DLG2: variants seen among roughly 807,000 people sequenced by gnomAD.
DLG2 encodes disks large homolog 2.
A neutral mutation model predicts 132.5 loss-of-function variants in DLG2; 45 were observed. That is an observed-to-expected ratio of 0.34 (90% CI 0.27 to 0.44). The LOEUF (loss-of-function observed/expected upper bound fraction) is 0.44. DLG2 is among the 20% of genes least tolerant of loss of function. DLG2 has a pLI of 1.00. For synonymous variants in DLG2, 424 were observed against 419.6 expected (o/e 1.01, Z -0.13); for missense variants, 1,045 against 1,196.9 (o/e 0.87, Z 1.87).
chr11:85,492,165 C>T (rs578178413), intron 3 of DLG2, among the ~76,000 whole-genome samples: 18 of 152,192 alleles, frequency 1.2e-4, no homozygotes, highest in Admixed American at 2.0e-4. Context: ...CATGTTAATT[C>T]GCTCAATTTA....
chr11:85,108,143 C>T (rs2072116355), intron 6 of DLG2, among the ~76,000 whole-genome samples: 1 of 151,896 alleles, frequency 6.6e-6, no homozygotes, highest in Non-Finnish European at 1.5e-5. Context: ...GATAAAAGTT[C>T]TGCACTTAAA....
chr11:85,406,719 G>C (rs1004386044), intron 3 of DLG2, among the ~76,000 whole-genome samples: 5 of 151,890 alleles, frequency 3.3e-5, no homozygotes, highest in African/African-American at 1.2e-4. Flanking sequence ...TGAGGCCACT[G>C]TTTTGGGTAC....
intron 10 of DLG2, among the ~76,000 whole-genome samples, chr11:84,098,229 G>A (rs1434031754): frequency 1.3e-5 from 2 of 151,978 alleles, no homozygotes; most frequent in East Asian, 3.9e-4. Flanking sequence ...AATAGAGATG[G>A]GGTTTGGCTA....
intron 7 of DLG2, among the ~76,000 whole-genome samples, chr11:84,439,390 G>A (rs1259118560): frequency 6.6e-6 from 1 of 152,136 alleles, no homozygotes; most frequent in African/African-American, 2.4e-5. Context: ...ATGATTCAGT[G>A]TCCCAAAAAG....
chr11:83,529,570 G>A (rs1428780410), intron 21 of DLG2, among the ~76,000 whole-genome samples: 2 of 140,440 alleles, frequency 1.4e-5, no homozygotes, highest in Non-Finnish European at 3.1e-5. Flanking sequence ...CTCAATCATG[G>A]CACTCTTTTT....
At chr11:85,369,592 T>A (rs999698693) in intron 3 of DLG2, among the ~76,000 whole-genome samples, 11 of 152,202 alleles carry the variant, frequency 7.2e-5, no homozygotes, top group African/African-American at 2.7e-4. Flanking sequence ...CTATGGCCCA[T>A]CTGGTGTGCT....
At position 85,598,871 on chromosome 11, in the gene DLG2, C is replaced by T. The variant is rs143826482; in HGVS notation, c.-92-83G>A. On this transcript the variant is annotated intron_variant, in intron 2 of 27. Coordinates refer to ENST00000376104, the MANE Select transcript of DLG2 (RefSeq NM_001142699.3). ...ATTAAACTATTCTATAATTGTGTTC[C>T]TAACTTAATGACATGAAATAACTTA... 940 of 409,362 alleles carry T rather than the reference C, an allele frequency of 2.3e-3. 8 individuals carry two copies. The highest frequency in any genetic ancestry group is 0.017 in the African/African-American group (835 of 48,616). 25.4% of individuals were successfully genotyped at this position (409,362 alleles called of 1,614,324 possible).
Position 85,294,379 on chromosome 11 carries a change from G to A in DLG2, c.41-9014C>T, listed in dbSNP as rs74956883. On this transcript the variant is annotated intron_variant, in intron 3 of 27. Coordinates refer to ENST00000376104, the MANE Select transcript of DLG2 (RefSeq NM_001142699.3). ...AAAAAAATCTACAGGAAAGAGACTC[G>A]AAGAGGAATGAAGTATACAGTGCAG... Among the ~76,000 whole-genome samples the A allele has an allele frequency of 3.3e-4, 50 of 151,952 alleles. 1 individual carries two copies. In the East Asian group the frequency reaches 9.3e-3, roughly 28 times the overall value.
intron 3 of DLG2, among the ~76,000 whole-genome samples, chr11:85,553,488 T>C (rs913705477): frequency 6.6e-6 from 1 of 151,524 alleles, no homozygotes; most frequent in African/African-American, 2.4e-5. Flanking sequence ...GGCTAATCTG[T>C]TTGTATTTTT....
At chr11:84,437,154 G>A (rs1343689988) in intron 7 of DLG2, among the ~76,000 whole-genome samples, 1 of 152,176 alleles carries the variant, frequency 6.6e-6, no homozygotes, top group Non-Finnish European at 1.5e-5. Flanking sequence ...ATCAGTTGAT[G>A]ATTTCACCAC....
intron 6 of DLG2, among the ~76,000 whole-genome samples, chr11:84,806,125 A>G (rs761846737): frequency 6.6e-6 from 1 of 152,216 alleles, no homozygotes; most frequent in Non-Finnish European, 1.5e-5. Context: ...AGATAAAGCA[A>G]TATGAATTAA....
In DLG2 at chr11:84,927,561, T is replaced by C. The variant is rs182164508; in HGVS notation, c.357+184100A>G. ...CCGGATAATAAATATTTCAGGCTTG[T>C]AAGCCATACGATCTGTCACAACTAC... On this transcript the variant is annotated intron_variant, in intron 6 of 27. Transcript: ENST00000376104. Among the ~76,000 whole-genome samples, 28 of 152,144 alleles carry C rather than the reference T, an allele frequency of 1.8e-4. No homozygotes were observed. The East Asian group carries it at 5.2e-3, about 28-fold the overall frequency.
At chr11:84,704,848 CAT>C (rs1290248666) in intron 6 of DLG2, among the ~76,000 whole-genome samples, 2 of 148,396 alleles carry the variant, frequency 1.3e-5, no homozygotes. Context: ...CTAGTTAATT[CAT>C]ATATATATAT....
intron 7 of DLG2, among the ~76,000 whole-genome samples, chr11:84,469,458 C>G (rs954145013): frequency 2.0e-5 from 3 of 151,574 alleles, no homozygotes; most frequent in Non-Finnish European, 4.4e-5. Flanking sequence ...CCTTTAAAGC[C>G]TCAGCAAAAA....
chr11:83,806,691 A>G (rs1169910395), intron 17 of DLG2, among the ~76,000 whole-genome samples: 1 of 152,148 alleles, frequency 6.6e-6, no homozygotes, highest in Non-Finnish European at 1.5e-5. Flanking sequence ...GTCCTCATAC[A>G]TTATTACTGA....
chr11:84,894,052 T>C (rs916176467), intron 6 of DLG2, among the ~76,000 whole-genome samples: 19 of 152,168 alleles, frequency 1.2e-4, no homozygotes, highest in African/African-American at 4.3e-4. Flanking sequence ...AAATGAATTA[T>C]GGTCACTGAG....
intron 9 of DLG2, among the ~76,000 whole-genome samples, chr11:84,102,909 G>T (rs2092645644): frequency 6.6e-6 from 1 of 152,064 alleles, no homozygotes; most frequent in African/African-American, 2.4e-5. Flanking sequence ...AGAAAACTGT[G>T]GCTCTGGCAT....
At chr11:85,375,168 G>T (rs1033072541) in intron 3 of DLG2, among the ~76,000 whole-genome samples, 4 of 151,116 alleles carry the variant, frequency 2.6e-5, no homozygotes, top group Admixed American at 1.3e-4. Flanking sequence ...AATGATACTG[G>T]ATATAAACAT....
chr11:83,820,367 T>A (rs1168914129), intron 17 of DLG2, among the ~76,000 whole-genome samples: 2 of 152,258 alleles, frequency 1.3e-5, no homozygotes, highest in South Asian at 2.1e-4. Context: ...AATAATACCA[T>A]CCCCTGCCTG....
Sources: allele counts gnomAD v4.1 joint callset (sites outside exome capture counted in the v4.1 genomes callset), GRCh38; gene constraint gnomAD v4.1.1; transcripts MANE v1.5; gene names NCBI Gene and HGNC (gene_info 2026-07-23, HGNC 2026-07-21).